Variants in B4GALNT2 observed in about 807,000 individuals in gnomAD.
B4GALNT2 encodes the protein beta-1,4-N-acetyl-galactosaminyltransferase 2 (SID blood group).
Under a neutral mutation model 51.1 loss-of-function variants are expected in B4GALNT2, and 42 were observed. That is an observed-to-expected ratio of 0.82 (90% CI 0.64 to 1.06). The LOEUF (loss-of-function observed/expected upper bound fraction) is 1.06. Among genes scored for constraint, B4GALNT2 ranks in the 50% least tolerant of loss-of-function variants. The pLI is 0.00. For missense variants in B4GALNT2, 602 were observed against 633.6 expected (o/e 0.95, Z 0.54); for synonymous variants, 253 against 251.7 (o/e 1.01, Z -0.05).
At chr17:49,154,225 T>C (rs915541389) in intron 4 of B4GALNT2, among the ~76,000 whole-genome samples, 2 of 151,988 alleles carry the variant, frequency 1.3e-5, no homozygotes, top group Non-Finnish European at 2.9e-5. Flanking sequence ...GGTCTCGAAC[T>C]CCTGACCTCA....
At chr17:49,122,340 C>T in the B4GALNT2 span, among the ~76,000 whole-genome samples, 3 of 152,182 alleles carry the variant, frequency 2.0e-5, no homozygotes, top group Non-Finnish European at 4.4e-5. Context: ...AGAGAGGTGG[C>T]ATGTTCTTTC....
At chr17:49,144,914 T>C (rs1295498750) in intron 3 of B4GALNT2, among the ~76,000 whole-genome samples, 4 of 152,162 alleles carry the variant, frequency 2.6e-5, no homozygotes, top group African/African-American at 9.7e-5. Flanking sequence ...AGTCCAATGT[T>C]CGAGGGCAGG....
chr17:49,163,878 C>T (rs1283961395), intron 7 of B4GALNT2, among the ~76,000 whole-genome samples: 1 of 151,666 alleles, frequency 6.6e-6, no homozygotes, highest in African/African-American at 2.4e-5. Context: ...GCCAACAGAA[C>T]CAGGAAATGC....
chr17:49,168,781 C>T lies in B4GALNT2; in HGVS notation c.1196C>T (p.Pro399Leu). The T allele has an allele frequency of 6.2e-7, 1 of 1,614,046 alleles. No homozygotes were observed. The highest frequency in any genetic ancestry group is 8.5e-7 in the Non-Finnish European group (1 of 1,180,030). ...CACAAGAGGATGGGATTTTTCCAAC[C>T]CCTGGATGGCTTCCCCAGCTGCGTG... ...CLHKRMGFFQ[P>L]LDGFPSCVVT... is the part of the protein sequence containing the mutation. Residue 399 changes from proline (P) to leucine (L), a missense_variant, in exon 10 of 11, where the codon CCC becomes CTC. Coordinates refer to ENST00000393354, the MANE Select transcript of B4GALNT2 (RefSeq NM_001159387.2).
chr17:49,140,484 A>G (rs2042633143), intron 1 of B4GALNT2, among the ~76,000 whole-genome samples: 1 of 152,202 alleles, frequency 6.6e-6, no homozygotes, highest in Non-Finnish European at 1.5e-5. Flanking sequence ...GCTTTAAAAT[A>G]TTTTTGAGAC....
intron 5 of B4GALNT2, among the ~76,000 whole-genome samples, chr17:49,158,636 CAAAAAAAA>C (rs770885158): frequency 1.3e-5 from 1 of 74,202 alleles, no homozygotes; most frequent in African/African-American, 5.7e-5. Flanking sequence ...GACTCCATCT[CAAAAAAAA>C]AAAAAAAAAA....
chr17:49,133,866 T>C (rs1447154565), intron 1 of B4GALNT2, among the ~76,000 whole-genome samples: 1 of 152,112 alleles, frequency 6.6e-6, no homozygotes, highest in Non-Finnish European at 1.5e-5. Flanking sequence ...GAGCCGAGAT[T>C]GCTCCATTGC....
intron 3 of B4GALNT2, among the ~76,000 whole-genome samples, chr17:49,145,007 C>T (rs1016868650): frequency 3.3e-5 from 5 of 152,082 alleles, no homozygotes; most frequent in African/African-American, 7.2e-5. Flanking sequence ...GCTTTATATT[C>T]GATGGCGTCT....
chr17:49,131,432 T>C (rs1325835615), upstream of B4GALNT2, among the ~76,000 whole-genome samples: 1 of 144,654 alleles, frequency 6.9e-6, no homozygotes, highest in Non-Finnish European at 1.5e-5. Flanking sequence ...TTCCTTCTAC[T>C]CTTTTCCAAG....
At chr17:49,158,862 C>T (rs775552144) in intron 5 of B4GALNT2, among the ~76,000 whole-genome samples, 175 bp from the exon 6 acceptor site, 2 of 152,120 alleles carry the variant, frequency 1.3e-5, no homozygotes, top group Admixed American at 6.5e-5. Flanking sequence ...GGGGCGGGGG[C>T]GCTAGCACAG....
rs540696266 is a variant in B4GALNT2, at chr17:49,154,696, A to G, written c.460+1790A>G. ...CAGATACCTGAATTTCACAAACCACATCTCAAACAGGTGAGATGAGAATGA... is the reference window on the plus strand; with the variant it reads ...CAGATACCTGAATTTCACAAACCACGTCTCAAACAGGTGAGATGAGAATGA... On this transcript the variant is annotated intron_variant, in intron 4 of 10. Coordinates refer to ENST00000393354, the MANE Select transcript of B4GALNT2 (RefSeq NM_001159387.2). Among the ~76,000 whole-genome samples, 6 of 152,100 alleles carry G rather than the reference A, an allele frequency of 3.9e-5. No homozygotes were observed. The East Asian group carries it at 7.8e-4, about 20-fold the overall frequency.
intron 3 of B4GALNT2, among the ~76,000 whole-genome samples, chr17:49,150,781 A>T (rs1478449290): frequency 6.7e-6 from 1 of 149,622 alleles, no homozygotes; most frequent in Non-Finnish European, 1.5e-5. Context: ...GGACACAAAC[A>T]CTGCGGAAGG....
rs2293217 is a variant in B4GALNT2 at position 49,156,755 on chromosome 17, T to G, written c.498+152T>G. On this transcript the variant is annotated intron_variant, in intron 5 of 10. Coordinates refer to ENST00000393354, the MANE Select transcript of B4GALNT2 (RefSeq NM_001159387.2). ...GGGGATGGAAGGGTGTGTAGAAAAC[T>G]TAACTTCTAGCCTTGGGAGTGGCTG... The G allele has an allele frequency of 0.23, 195,064 of 851,260 alleles. 26,779 individuals carry two copies. The highest frequency in any genetic ancestry group is 0.44 in the South Asian group (22,941 of 52,266). The allele number at this position is 851,260 out of a possible 1,614,324, so 52.7% of individuals were successfully genotyped here. A position where few individuals can be genotyped will look rare whatever the true frequency, so the allele number is the denominator to read the frequency against.
At chr17:49,158,752 A>C (rs572294719) in intron 5 of B4GALNT2, among the ~76,000 whole-genome samples, 2 of 152,074 alleles carry the variant, frequency 1.3e-5, no homozygotes, top group South Asian at 4.1e-4. Context: ...CTGTGGGTGG[A>C]ATAAGAAGCC....
At chr17:49,169,109 T>C (rs2042937968) in intron 10 of B4GALNT2, among the ~76,000 whole-genome samples, 1 of 152,150 alleles carries the variant, frequency 6.6e-6, no homozygotes, top group South Asian at 2.1e-4. Context: ...CTGTGTCTCC[T>C]GTAGGCTGCC....
chr17:49,131,222 A>G (rs1185337292), upstream of B4GALNT2, among the ~76,000 whole-genome samples: 4 of 152,146 alleles, frequency 2.6e-5, no homozygotes, highest in Non-Finnish European at 4.4e-5. Flanking sequence ...ACCCCCCTAC[A>G]TGCACGTAGT....
upstream of B4GALNT2, chr17:49,132,739 G>C: frequency 7.2e-7 from 1 of 1,386,350 alleles, no homozygotes. Context: ...GCAGTCGGCG[G>C]CCTGGCTGCT....
At chr17:49,150,962 A>G (rs972571124) in intron 3 of B4GALNT2, among the ~76,000 whole-genome samples, 10 of 152,254 alleles carry the variant, frequency 6.6e-5, no homozygotes, top group Non-Finnish European at 1.5e-4. Flanking sequence ...CCTTTTTCAT[A>G]TTACCGTAAG....
chr17:49,152,481 C>T (rs545297349), intron 3 of B4GALNT2, among the ~76,000 whole-genome samples: 1 of 152,236 alleles, frequency 6.6e-6, no homozygotes, highest in Non-Finnish European at 1.5e-5. Context: ...CAAGACCAGC[C>T]TAGCTAACAT....
Sources: allele counts gnomAD v4.1 joint callset (sites outside exome capture counted in the v4.1 genomes callset), GRCh38; gene constraint gnomAD v4.1.1; transcripts MANE v1.5; gene names NCBI Gene and HGNC (gene_info 2026-07-23, HGNC 2026-07-21).